The following PSMF1 variants were observed in gnomAD, a reference collection of about 807,000 sequenced individuals.
The protein encoded by PSMF1 is proteasome inhibitor subunit 1.
PSMF1 carries 30 observed loss-of-function variants against 29.3 expected under a neutral mutation model. The observed-to-expected ratio is 1.02, with a 90% CI of 0.77 to 1.39. The LOEUF is 1.39. PSMF1 is among the 40% of genes most tolerant of loss of function. The pLI, the probability that PSMF1 is intolerant of heterozygous loss-of-function variation, is 0.00. For synonymous variants in PSMF1, 134 were observed against 139.7 expected (o/e 0.96, Z 0.29); for missense variants, 344 against 357.5 (o/e 0.96, Z 0.31).
chr20:1,161,155 AG>A, intron 4 of PSMF1: 1 of 358,388 alleles, frequency 2.8e-6, no homozygotes, highest in Non-Finnish European at 5.4e-6. Flanking sequence ...ATTCTCACAG[AG>A]TACGACTACA....
At chr20:1,138,871 A>C (rs1234212838) in intron 4 of PSMF1, among the ~76,000 whole-genome samples, 2 of 151,508 alleles carry the variant, frequency 1.3e-5, no homozygotes, top group Non-Finnish European at 2.9e-5. Context: ...AAATAAAAAA[A>C]CAACAAATTC....
chr20:1,123,560 T>C (rs1798945239), intron 1 of PSMF1, among the ~76,000 whole-genome samples: 1 of 152,218 alleles, frequency 6.6e-6, no homozygotes, highest in African/African-American at 2.4e-5. Flanking sequence ...TATAATACTA[T>C]CATTAGATCT....
intron 4 of PSMF1, among the ~76,000 whole-genome samples, chr20:1,156,195 A>G (rs192772872): frequency 6.6e-6 from 1 of 152,358 alleles, no homozygotes; most frequent in African/African-American, 2.4e-5. Flanking sequence ...ACTTGAAGAT[A>G]GGTAATACAA....
At chr20:1,152,000 T>C (rs2086536613) in intron 4 of PSMF1, among the ~76,000 whole-genome samples, 1 of 152,056 alleles carries the variant, frequency 6.6e-6, no homozygotes, top group Admixed American at 6.6e-5. Context: ...AGAAGCTGGA[T>C]TTGATCCATG....
intron 4 of PSMF1, among the ~76,000 whole-genome samples, chr20:1,144,878 G>A (rs2086429480): frequency 6.6e-6 from 1 of 152,078 alleles, no homozygotes; most frequent in African/African-American, 2.4e-5. Flanking sequence ...CTCTTGTGCT[G>A]TTTTTCCAAC....
At chr20:1,131,162 G>T (rs2086223896) in intron 3 of PSMF1, among the ~76,000 whole-genome samples, 1 of 152,254 alleles carries the variant, frequency 6.6e-6, no homozygotes. Context: ...GTGGTCTCTT[G>T]ACTTCTTCAC....
Position 1,164,205 on chromosome 20 carries a change from G to A in PSMF1, c.606-113G>A. ...AGGCAGCCATCCACATGTCTGCTTG[G>A]GCCATCCAGAGTAGACATCCCAGCC... On this transcript the variant is annotated intron_variant, in intron 5 of 6. Coordinates refer to ENST00000335877, the MANE Select transcript of PSMF1 (RefSeq NM_006814.5). The surrounding 1 kb of genome is among the most constrained non-coding windows in gnomAD (Gnocchi z 4.1). 8.9e-7 allele frequency: 1 copy of A among 1,129,346 alleles called. No individual in the cohort carries two copies. The highest frequency in any genetic ancestry group is 1.4e-5 in the South Asian group (1 of 72,932). 70.0% of individuals were successfully genotyped at this position (1,129,346 alleles called of 1,614,324 possible). A position where few individuals can be genotyped will look rare whatever the true frequency, so the allele number is the denominator to read the frequency against.
chr20:1,115,552 C>A (rs1568459674), upstream of PSMF1, among the ~76,000 whole-genome samples: 2 of 152,176 alleles, frequency 1.3e-5, 1 homozygote. Flanking sequence ...CCCATGCCCA[C>A]CCCTTGAAAG....
At chr20:1,136,451 A>T (rs943135477) in intron 4 of PSMF1, among the ~76,000 whole-genome samples, 2 of 152,242 alleles carry the variant, frequency 1.3e-5, no homozygotes, top group African/African-American at 4.8e-5. Flanking sequence ...TAAAGTAAAT[A>T]GTAATTCTCA....
intron 1 of PSMF1, among the ~76,000 whole-genome samples, chr20:1,125,091 T>C (rs562764254): frequency 3.9e-4 from 60 of 152,390 alleles, no homozygotes; most frequent in African/African-American, 1.4e-3. Context: ...TATTCGGATC[T>C]GTGTTTTTAG....
chr20:1,150,646 T>C (rs1421600472), intron 4 of PSMF1, among the ~76,000 whole-genome samples: 1 of 152,220 alleles, frequency 6.6e-6, no homozygotes. Context: ...TTATATAATA[T>C]ATTCTGAATT....
chr20:1,156,855 T>TG (rs2086600684), intron 4 of PSMF1, among the ~76,000 whole-genome samples: 1 of 152,142 alleles, frequency 6.6e-6, no homozygotes, highest in South Asian at 2.1e-4. Context: ...GGTAAATATG[T>TG]GGGTAAATAT....
At chr20:1,113,445 A>AAC (rs58779664) in intron 1 of PSMF1, 13,968 of 114,382 alleles carry the variant, frequency 0.12, 926 homozygotes, top group Middle Eastern at 0.14. Flanking sequence ...GATCAGGGGC[A>AAC]ACACACACAC....
intron 4 of PSMF1, among the ~76,000 whole-genome samples, chr20:1,152,827 G>A (rs947103299): frequency 2.0e-5 from 3 of 152,196 alleles, no homozygotes; most frequent in Non-Finnish European, 4.4e-5. Flanking sequence ...AAAACTCAAG[G>A]ACAATGCAAG....
At chr20:1,133,555 G>GTGTATATATATATATATATATA (rs60728448) in intron 3 of PSMF1, among the ~76,000 whole-genome samples, 3 of 53,970 alleles carry the variant, frequency 5.6e-5, no homozygotes, top group African/African-American at 1.3e-4. Context: ...CTATATATGT[G>GTGTATATATATATATATATATA]TATATATATA....
intron 3 of PSMF1, among the ~76,000 whole-genome samples, chr20:1,130,828 A>G (rs1033856956): frequency 6.6e-5 from 10 of 152,288 alleles, no homozygotes; most frequent in African/African-American, 2.2e-4. Flanking sequence ...TTTTTTGTAG[A>G]GATGAGGTCT....
chr20:1,127,327 A>G, intron 2 of PSMF1, 99 bp from the exon 3 acceptor site: 1 of 909,676 alleles, frequency 1.1e-6, no homozygotes, highest in Non-Finnish European at 1.9e-6. Context: ...GACATATGTG[A>G]ATATTTCTTT....
chr20:1,124,028 T>A (rs527259714), intron 1 of PSMF1, among the ~76,000 whole-genome samples: 1 of 152,374 alleles, frequency 6.6e-6, no homozygotes, highest in Admixed American at 6.5e-5. Flanking sequence ...TTATTGTTCA[T>A]TTTCCAGGCA....
chr20:1,134,810 C>T (rs1222136200), intron 3 of PSMF1: 7 of 421,770 alleles, frequency 1.7e-5, no homozygotes, highest in Admixed American at 1.1e-4. Context: ...AGGGGTGAGG[C>T]GGGTGAGGAC....
Sources: allele counts gnomAD v4.1 joint callset (sites outside exome capture counted in the v4.1 genomes callset), GRCh38; gene constraint gnomAD v4.1.1; non-coding constraint Gnocchi (gnomAD v3.1); transcripts MANE v1.5; gene names NCBI Gene and HGNC (gene_info 2026-07-23, HGNC 2026-07-21).